ALS2: variants seen among roughly 807,000 people sequenced by gnomAD.
ALS2 encodes the protein alsin.
Under a neutral mutation model 203.4 loss-of-function variants are expected in ALS2, and 117 were observed. The observed-to-expected ratio is 0.58, with a 90% CI of 0.50 to 0.67. The LOEUF is 0.67. Among genes scored for constraint, ALS2 ranks in the 30% least tolerant of loss-of-function variants. The probability of loss-of-function intolerance (pLI) is 0.00; values close to 1 mark genes in which losing one functional copy is unlikely to be tolerated. For missense variants in ALS2, 1,715 were observed against 1,989.4 expected, an observed-to-expected ratio of 0.86 and a Z score of 2.62; for synonymous variants, 718 against 725.9, an observed-to-expected ratio of 0.99 and a Z score of 0.17.
intron 21 of ALS2, among the ~76,000 whole-genome samples, chr2:201,723,771 A>G (rs1690967024): frequency 1.3e-5 from 2 of 152,234 alleles, no homozygotes; most frequent in African/African-American, 4.8e-5. Context: ...AAAATGTAAT[A>G]AGCAGAATAA....
chr2:201,757,653 ACT>A lies in ALS2; in HGVS notation c.1218_1219del (p.Arg406SerfsTer6), dbSNP rs1436377122. On this transcript the variant is annotated frameshift_variant, in exon 5 of 34. Coordinates refer to ENST00000264276, the MANE Select transcript of ALS2 (RefSeq NM_020919.4). LOFTEE classifies it high-confidence loss of function. Reference sequence around the variant, plus strand: ...GGCACCAGCTTCATAAGTAGCAGCCACTCTCACACCAACAGCAGATGCACAAG... The same window carrying A: ...GGCACCAGCTTCATAAGTAGCAGCCACTCACACCAACAGCAGATGCACAAG... 6.2e-7 allele frequency: 1 copy of A among 1,614,038 alleles called. No homozygotes were observed. Among genetic ancestry groups the A allele is most frequent in the South Asian group, 1.1e-5 (1 of 91,072 alleles).
Position 201,701,734 on chromosome 2 carries a change from A to G in ALS2, c.*117T>C. ...TGGTAAGGCTCATTCTAACAACCTA[A>G]ATAACACAAAGTCCTTTCCAATTTC... On this transcript the variant is annotated 3_prime_UTR_variant, in exon 34 of 34. Transcript: ENST00000264276. 1 of 993,192 alleles carries G rather than the reference A, an allele frequency of 1.0e-6. No individual in the cohort carries two copies. Among genetic ancestry groups the G allele is most frequent in the East Asian group, 2.5e-5 (1 of 40,422 alleles). 61.5% of individuals were successfully genotyped at this position (993,192 alleles called of 1,614,324 possible).
In ALS2 at chr2:201,744,522, C is replaced by T. The variant is rs1379999705; in HGVS notation, c.1999-93G>A. On this transcript the variant is annotated intron_variant, in intron 9 of 33. Transcript: ENST00000264276. The stretch of plus-strand genomic sequence containing the variant: ...GCTGGCTTATATCAGCTGACAAGAG[C>T]TAACTGTTAAATATTCAGAAAATTT... 31 of 1,294,378 alleles carry T rather than the reference C, an allele frequency of 2.4e-5. No individual in the cohort carries two copies. The East Asian group carries it at 7.0e-4, about 29-fold the overall frequency. 80.2% of individuals were successfully genotyped at this position (1,294,378 alleles called of 1,614,324 possible).
intron 23 of ALS2, 78 bp from the exon 24 acceptor site, chr2:201,718,288 C>G (rs1690537024): frequency 3.4e-6 from 5 of 1,475,456 alleles, no homozygotes; most frequent in East Asian, 2.4e-5. Flanking sequence ...GAGACAGAGT[C>G]TCACTCTGTT....
Position 201,764,864 on chromosome 2 carries a change from G to A in ALS2, c.175+2365C>T, listed in dbSNP as rs118043219. On this transcript the variant is annotated intron_variant, in intron 3 of 33. Coordinates refer to ENST00000264276, the MANE Select transcript of ALS2 (RefSeq NM_020919.4). ...TAGACGACGTTTTCTTTTGGTAACTGTGACACTTAATACCAGGACACTGCT... is the reference window on the plus strand; with the variant it reads ...TAGACGACGTTTTCTTTTGGTAACTATGACACTTAATACCAGGACACTGCT... Among the ~76,000 whole-genome samples, 6 of 152,218 alleles carry A rather than the reference G, an allele frequency of 3.9e-5. No individual in the cohort carries two copies. The East Asian group carries it at 1.2e-3, about 29-fold the overall frequency.
intron 29 of ALS2, among the ~76,000 whole-genome samples, chr2:201,706,320 A>T (rs2105966425): frequency 6.6e-6 from 1 of 151,260 alleles, no homozygotes; most frequent in African/African-American, 2.4e-5. Context: ...TGGGAGGTGG[A>T]GGTTGCAGTG....
intron 3 of ALS2, among the ~76,000 whole-genome samples, chr2:201,765,041 T>C (rs1487402989): frequency 6.6e-6 from 1 of 152,056 alleles, no homozygotes; most frequent in Non-Finnish European, 1.5e-5. Context: ...TCAGCTAGGC[T>C]AGAGTGCAGT....
chr2:201,780,016 A>G (rs1694824358), intron 1 of ALS2: 1 of 152,222 alleles, frequency 6.6e-6, no homozygotes, highest in African/African-American at 2.4e-5. Context: ...TTTATTCCAT[A>G]TAGCCAAATA....
At chr2:201,729,279 A>T in intron 13 of ALS2, 96 bp from the exon 14 acceptor site, 2 of 1,381,820 alleles carry the variant, frequency 1.4e-6, no homozygotes, top group Non-Finnish European at 2.0e-6. Context: ...TATAGTATTA[A>T]ATGTAGGAGA....
At chr2:201,780,733 T>C (rs1460207591) in intron 1 of ALS2, 144 bp downstream of exon 1, 1 of 152,390 alleles carries the variant, frequency 6.6e-6, no homozygotes, top group Non-Finnish European at 1.5e-5. Flanking sequence ...GCGGGCGCCG[T>C]CTCCGCAGGC....
chr2:201,772,963 A>G (rs1294069303), intron 1 of ALS2, among the ~76,000 whole-genome samples: 1 of 148,730 alleles, frequency 6.7e-6, no homozygotes, highest in Admixed American at 6.9e-5. Context: ...CTGGGTTCAC[A>G]TGATTCTCCT....
At chr2:201,757,357 TG>T (rs1693460587) in intron 5 of ALS2, 44 bp downstream of exon 5, 2 of 1,516,354 alleles carry the variant, frequency 1.3e-6, no homozygotes, top group Non-Finnish European at 1.8e-6. Context: ...AGGAGCATCC[TG>T]GATTCCCCAA....
At position 201,760,574 on chromosome 2, in the gene ALS2, C is replaced by T. The variant is rs541735202; in HGVS notation, c.1113+307G>A. On this transcript the variant is annotated intron_variant, in intron 4 of 33. Coordinates refer to ENST00000264276, the MANE Select transcript of ALS2 (RefSeq NM_020919.4). Reference sequence around the variant, plus strand: ...GTTATATTAAACTATTCAGGGCCCACCAAAATTCAGTACTTTAGCCATAGA... The same window carrying T: ...GTTATATTAAACTATTCAGGGCCCATCAAAATTCAGTACTTTAGCCATAGA... 20 of 1,156,104 alleles carry T rather than the reference C, an allele frequency of 1.7e-5. No individual in the cohort carries two copies. The African/African-American group carries it at 2.7e-4, about 16-fold the overall frequency. 71.6% of individuals were successfully genotyped at this position (1,156,104 alleles called of 1,614,324 possible). A position where few individuals can be genotyped will look rare whatever the true frequency, so the allele number is the denominator to read the frequency against.
chr2:201,741,626 C>A, intron 11 of ALS2, 48 bp downstream of exon 11: 1 of 1,581,410 alleles, frequency 6.3e-7, no homozygotes, highest in Non-Finnish European at 8.7e-7. Flanking sequence ...TTCTCCTTGG[C>A]AGAATAACCC....
At chr2:201,709,727 A>G (rs1343310092) in intron 27 of ALS2, among the ~76,000 whole-genome samples, 154 bp downstream of exon 27, 8 of 152,252 alleles carry the variant, frequency 5.3e-5, no homozygotes, top group Admixed American at 2.0e-4. Flanking sequence ...TTTTATGTTT[A>G]TAGCTTACAC....
At chr2:201,752,119 T>G (rs1225471922) in intron 7 of ALS2, among the ~76,000 whole-genome samples, 1 of 152,184 alleles carries the variant, frequency 6.6e-6, no homozygotes, top group Non-Finnish European at 1.5e-5. Flanking sequence ...CTGGAATATT[T>G]TGGGGACTGT....
intron 13 of ALS2, among the ~76,000 whole-genome samples, chr2:201,732,894 C>T (rs187254210): frequency 1.6e-3 from 249 of 152,280 alleles, no homozygotes; most frequent in Middle Eastern, 6.8e-3. Context: ...GGGTAACACC[C>T]CTGCCTTACA....
chr2:201,738,703 A>G lies in ALS2; in HGVS notation c.2384T>C (p.Met795Thr), dbSNP rs1692042920. 6.2e-7 allele frequency: 1 copy of G among 1,614,054 alleles called. No individual in the cohort carries two copies. The highest frequency in any genetic ancestry group is 1.3e-5 in the African/African-American group (1 of 74,946). ...YCTSITNFLV[M>T]GGFQLLAKPA... ...CTTAGCAAGAAGCTGGAATCCTCCC[A>G]TAACCAGGAAATTTGTAATAGATGT... The change falls in exon 12 of 34, where the codon ATG (methionine) becomes ACG (threonine). Residue 795 changes from methionine to threonine, a missense_variant. Physicochemically the swap from Met to Thr is moderately conservative, Grantham distance 81. This residue lies in a region of ALS2 where 1,227 missense variants were observed against 1,413.5 expected (regional missense o/e 0.87). Transcript: ENST00000264276.
chr2:201,756,316 AC>A, intron 5 of ALS2, among the ~76,000 whole-genome samples: 1 of 151,248 alleles, frequency 6.6e-6, no homozygotes, highest in Non-Finnish European at 1.5e-5. Flanking sequence ...ATATATATAT[AC>A]ATATATATTC....
Sources: allele counts gnomAD v4.1 joint callset (sites outside exome capture counted in the v4.1 genomes callset), GRCh38; gene constraint gnomAD v4.1.1; regional missense constraint gnomAD v4.1.1; transcripts MANE v1.5; gene names NCBI Gene and HGNC (gene_info 2026-07-23, HGNC 2026-07-21).